The following RBFOX3 variants were observed in gnomAD, a reference collection of about 807,000 sequenced individuals.
The protein encoded by RBFOX3 is RNA binding fox-1 homolog 3, also known as RNA binding protein fox-1 homolog 3.
RBFOX3 carries 17 observed loss-of-function variants against 48.7 expected under a neutral mutation model. That is an observed-to-expected ratio of 0.35 (90% CI 0.24 to 0.52). RBFOX3 has a LOEUF of 0.52. Ranked by LOEUF, RBFOX3 falls within the 20% of genes least tolerant of loss-of-function variation. RBFOX3 has a pLI of 0.94. For missense variants in RBFOX3, 382 were observed against 497.5 expected, an observed-to-expected ratio of 0.77 and a Z score of 2.21; for synonymous variants, 212 against 209.5, an observed-to-expected ratio of 1.01 and a Z score of -0.10.
In RBFOX3 at chr17:79,089,851, G is replaced by C. The variant is rs1326302854; in HGVS notation, c.*1032C>G. The C allele has an allele frequency of 6.6e-6, 1 of 152,474 alleles. No individual in the cohort carries two copies. Among genetic ancestry groups the C allele is most frequent in the Admixed American group, 6.5e-5 (1 of 15,288 alleles). The allele number at this position is 152,474 out of a possible 1,614,324, so 9.4% of individuals were successfully genotyped here. A position where few individuals can be genotyped will look rare whatever the true frequency, so the allele number is the denominator to read the frequency against. ...CTGCCTTGGGAGCAGGGAAGGGGCCGGCCCAGGCTTCCCCATCCCTTGCCC... is the reference window on the plus strand; with the variant it reads ...CTGCCTTGGGAGCAGGGAAGGGGCCCGCCCAGGCTTCCCCATCCCTTGCCC... On this transcript the variant is annotated 3_prime_UTR_variant, in exon 15 of 15. Coordinates refer to ENST00000693108, the MANE Select transcript of RBFOX3 (RefSeq NM_001350451.2).
At chr17:79,383,545 TC>T (rs1343073059) in intron 2 of RBFOX3, among the ~76,000 whole-genome samples, 4 of 152,190 alleles carry the variant, frequency 2.6e-5, no homozygotes, top group Non-Finnish European at 5.9e-5. Context: ...GGAACACGCA[TC>T]CCTGGAGGAG....
intron 3 of RBFOX3, among the ~76,000 whole-genome samples, chr17:79,237,305 C>T (rs547107791): frequency 6.6e-6 from 1 of 152,180 alleles, no homozygotes; most frequent in Non-Finnish European, 1.5e-5. Flanking sequence ...TTACTGCGGT[C>T]GTTTAGTTTG....
rs2054250905 is a variant in RBFOX3, at chr17:79,190,424, A to AAAAAAC, written c.-34+45341_-34+45342insGTTTTT. Among the ~76,000 whole-genome samples the AAAAAAC allele has an allele frequency of 2.6e-4, 28 of 109,516 alleles. 1 individual carries two copies. Among genetic ancestry groups the AAAAAAC allele is most frequent in the South Asian group, 5.6e-4 (2 of 3,544 alleles). The allele number at this position is 109,516 out of a possible 152,430, so 71.8% of individuals were successfully genotyped here. On this transcript the variant is annotated intron_variant, in intron 4 of 14. Coordinates refer to ENST00000693108, the MANE Select transcript of RBFOX3 (RefSeq NM_001350451.2). ...AAATCTCTGTCTCACCAAAAAAAAAAAAAAAAACAAAAAAACAGAGTGAAG... is the reference window on the plus strand; with the variant it reads ...AAATCTCTGTCTCACCAAAAAAAAAAAAAAACAAAAAAACAAAAAAACAGAGTGAAG...
intron 2 of RBFOX3, among the ~76,000 whole-genome samples, chr17:79,315,953 G>T (rs2077484565): frequency 6.6e-6 from 1 of 152,164 alleles, no homozygotes; most frequent in Non-Finnish European, 1.5e-5. Flanking sequence ...CAAGGGGTGG[G>T]TCCGCCAGCA....
intron 1 of RBFOX3, among the ~76,000 whole-genome samples, chr17:79,558,432 C>T (rs1306308873): frequency 6.6e-6 from 1 of 152,154 alleles, no homozygotes; most frequent in African/African-American, 2.4e-5. Context: ...CGGCTGGGGG[C>T]AGCTGAGGGG....
Position 79,103,085 on chromosome 17 carries a change from G to A in RBFOX3, c.507+77C>T. On this transcript the variant is annotated intron_variant, in intron 8 of 14. Coordinates refer to ENST00000693108, the MANE Select transcript of RBFOX3 (RefSeq NM_001350451.2). The surrounding 1 kb of genome is among the most constrained non-coding windows in gnomAD (Gnocchi z 6.1). ...TCTCTGAAGGGTGCGGCAGTGGCAG[G>A]GCTGGTTGGTTGGGGGAGCTGGGGG... 6 of 1,102,656 alleles carry A rather than the reference G, an allele frequency of 5.4e-6. No individual in the cohort carries two copies. The highest frequency in any genetic ancestry group is 8.1e-6 in the Non-Finnish European group (6 of 743,094). 68.3% of individuals were successfully genotyped at this position (1,102,656 alleles called of 1,614,324 possible).
At chr17:79,459,316 T>G (rs2075053232) in intron 2 of RBFOX3, among the ~76,000 whole-genome samples, 1 of 152,032 alleles carries the variant, frequency 6.6e-6, no homozygotes, top group Non-Finnish European at 1.5e-5. Flanking sequence ...TGGGAGGCGC[T>G]GGGGAGGCTG....
chr17:79,559,719 TGGTGGATGGATG>T (rs2092070064), intron 1 of RBFOX3, among the ~76,000 whole-genome samples: 1 of 102,278 alleles, frequency 9.8e-6, no homozygotes, highest in East Asian at 3.0e-4. Flanking sequence ...GGATGATGGG[TGGTGGATGGATG>T]GGTGAATGAA....
chr17:79,107,585 G>A (rs2077634530), intron 5 of RBFOX3, among the ~76,000 whole-genome samples: 1 of 152,240 alleles, frequency 6.6e-6, no homozygotes, highest in Admixed American at 6.5e-5. Flanking sequence ...GGCAAGGCTG[G>A]CCTTCAGTCT....
chr17:79,536,792 G>A (rs114494047), intron 1 of RBFOX3, among the ~76,000 whole-genome samples: 1,819 of 152,304 alleles, frequency 0.012, 26 homozygotes, highest in African/African-American at 0.041. Flanking sequence ...CCGGCTTAAA[G>A]CAACAGACAT....
At chr17:79,292,895 T>C (rs1325142113) in intron 3 of RBFOX3, among the ~76,000 whole-genome samples, 1 of 152,184 alleles carries the variant, frequency 6.6e-6, no homozygotes, top group Non-Finnish European at 1.5e-5. Context: ...GCCTTTGTTT[T>C]GGGAGTTGGT....
rs1294265091 is a variant in RBFOX3, at chr17:79,508,497, CCT to C, written c.-319-25901_-319-25900del. Among the ~76,000 whole-genome samples the C allele has an allele frequency of 2.6e-5, 4 of 152,216 alleles. No individual in the cohort carries two copies. In the East Asian group the frequency reaches 7.7e-4, roughly 29 times the overall value. On this transcript the variant is annotated intron_variant, in intron 1 of 14. Coordinates refer to ENST00000693108, the MANE Select transcript of RBFOX3 (RefSeq NM_001350451.2). ...TTGTTATTCTTCTCAGTGCCTCCCT[CCT>C]CTCTCTGCTCCCCGCACCCCCACAG...
chr17:79,216,075 G>A (rs925578954), intron 4 of RBFOX3, among the ~76,000 whole-genome samples: 4 of 152,260 alleles, frequency 2.6e-5, no homozygotes, highest in African/African-American at 4.8e-5. Flanking sequence ...CCCAGCGGGG[G>A]TCAAGATGTA....
chr17:79,557,061 T>A (rs1351897009), intron 1 of RBFOX3, among the ~76,000 whole-genome samples: 1 of 151,882 alleles, frequency 6.6e-6, no homozygotes, highest in African/African-American at 2.4e-5. Context: ...CTGGGCAACA[T>A]GGTGAAACTC....
Position 79,480,101 on chromosome 17 carries a change from C to T in RBFOX3, c.-175+2353G>A, listed in dbSNP as rs1249909584. On this transcript the variant is annotated intron_variant, in intron 2 of 14. Coordinates refer to ENST00000693108, the MANE Select transcript of RBFOX3 (RefSeq NM_001350451.2). This position sits in a 1 kb window ranked among gnomAD's most constrained non-coding sequence, Gnocchi z 4.8. ...CCTTCACAGCGACACTGCAGGGAGC[C>T]CCAGGACAGAAAGAGCCAGAAAGAG... 2.0e-5 allele frequency among the ~76,000 whole-genome samples: 3 copies of T among 152,170 alleles called. No homozygotes were observed. Among genetic ancestry groups the T allele is most frequent in the African/African-American group, 7.2e-5 (3 of 41,444 alleles).
rs751948961 is a variant in RBFOX3, at chr17:79,090,689, C to T, written c.*194G>A. 2.9e-5 allele frequency: 20 copies of T among 690,794 alleles called. No individual in the cohort carries two copies. The highest frequency in any genetic ancestry group is 4.5e-5 in the Non-Finnish European group (19 of 420,486). 42.8% of individuals were successfully genotyped at this position (690,794 alleles called of 1,614,324 possible). A position where few individuals can be genotyped will look rare whatever the true frequency, so the allele number is the denominator to read the frequency against. ...GTCCTGGGGCCGCTCCTCGGCGCCC[C>T]TGCCGGCGTGCTCCCTCGGTGCGGG... On this transcript the variant is annotated 3_prime_UTR_variant, in exon 15 of 15. Transcript: ENST00000693108.
intron 4 of RBFOX3, among the ~76,000 whole-genome samples, chr17:79,156,005 C>G (rs889218719): frequency 2.6e-5 from 4 of 152,324 alleles, no homozygotes; most frequent in Non-Finnish European, 5.9e-5. Context: ...CCTCCCTGGC[C>G]CCTCCAGGTG....
chr17:79,476,884 G>C (rs1322969550), intron 2 of RBFOX3, among the ~76,000 whole-genome samples: 2 of 151,620 alleles, frequency 1.3e-5, no homozygotes, highest in Non-Finnish European at 2.9e-5. Context: ...GAAAGAAGTA[G>C]GGGGAGAGAA....
Position 79,307,009 on chromosome 17 carries a change from T to C in RBFOX3, c.-74+715A>G, listed in dbSNP as rs183256171. On this transcript the variant is annotated intron_variant, in intron 3 of 14. Coordinates refer to ENST00000693108, the MANE Select transcript of RBFOX3 (RefSeq NM_001350451.2). ...ATTAACCCACTTTCTCTCTTGGCAC[T>C]CGGAGCAAGGAGGGAAACTCAGCCA... Among the ~76,000 whole-genome samples the C allele has an allele frequency of 1.6e-4, 24 of 152,344 alleles. No individual in the cohort carries two copies. The East Asian group carries it at 2.9e-3, about 18-fold the overall frequency.
Sources: allele counts gnomAD v4.1 joint callset (sites outside exome capture counted in the v4.1 genomes callset), GRCh38; gene constraint gnomAD v4.1.1; non-coding constraint Gnocchi (gnomAD v3.1); transcripts MANE v1.5; gene names NCBI Gene and HGNC (gene_info 2026-07-23, HGNC 2026-07-21).